Variants in SGCZ observed in about 807,000 individuals in gnomAD.
SGCZ encodes the protein zeta-sarcoglycan.
SGCZ carries 40 observed loss-of-function variants against 41.3 expected under a neutral mutation model. The observed-to-expected ratio is 0.97, with a 90% CI of 0.75 to 1.26. The LOEUF (loss-of-function observed/expected upper bound fraction) is 1.26, where lower values mean the gene tolerates loss of function less well. Among genes scored for constraint, SGCZ ranks in the 50% most tolerant of loss-of-function variants. The pLI, the probability that SGCZ is intolerant of heterozygous loss-of-function variation, is 0.00. For missense variants in SGCZ, 552 were observed against 369.8 expected (o/e 1.49, Z -4.04); for synonymous variants, 206 against 137.5 (o/e 1.50, Z -3.49).
intron 1 of SGCZ, among the ~76,000 whole-genome samples, chr8:15,007,330 G>A (rs13271780): frequency 0.5 from 75,997 of 151,672 alleles, 19,252 homozygotes; most frequent in South Asian, 0.55. Flanking sequence ...AAATTTAAAT[G>A]TAACTTTTGA....
intron 1 of SGCZ, among the ~76,000 whole-genome samples, chr8:14,555,352 G>A (rs995181953): frequency 1.3e-5 from 2 of 151,982 alleles, no homozygotes; most frequent in African/African-American, 4.8e-5. Context: ...AAGGTGATGA[G>A]ATCATGGCAG....
chr8:14,149,214 AT>A (rs1194694399), intron 5 of SGCZ, among the ~76,000 whole-genome samples: 1 of 152,090 alleles, frequency 6.6e-6, no homozygotes, highest in Admixed American at 6.5e-5. Context: ...AGATTTGAGC[AT>A]CCAAATTGAA....
intron 3 of SGCZ, among the ~76,000 whole-genome samples, chr8:14,252,306 A>AG (rs1284865195): frequency 3.3e-5 from 5 of 151,166 alleles, no homozygotes; most frequent in Non-Finnish European, 5.9e-5. Flanking sequence ...TTTGTCATGT[A>AG]TTTTTTTCAG....
At chr8:14,166,002 A>G (rs1804197840) in intron 4 of SGCZ, among the ~76,000 whole-genome samples, 1 of 152,144 alleles carries the variant, frequency 6.6e-6, no homozygotes, top group African/African-American at 2.4e-5. Context: ...CATCAAGAGA[A>G]AAAATAATTT....
intron 1 of SGCZ, among the ~76,000 whole-genome samples, chr8:15,022,569 C>G (rs1263438563): frequency 2.6e-5 from 4 of 152,122 alleles, no homozygotes; most frequent in African/African-American, 9.7e-5. Context: ...GTCTCGATCT[C>G]TTGACCTCAT....
At chr8:14,875,321 G>C (rs956370089) in intron 1 of SGCZ, among the ~76,000 whole-genome samples, 9 of 152,130 alleles carry the variant, frequency 5.9e-5, no homozygotes, top group South Asian at 4.1e-4. Flanking sequence ...TGAGGACAAA[G>C]TCCATGACTT....
At chr8:14,183,704 C>T (rs533199000) in intron 4 of SGCZ, among the ~76,000 whole-genome samples, 28 of 152,200 alleles carry the variant, frequency 1.8e-4, no homozygotes, top group African/African-American at 5.8e-4. Context: ...TCTACCTATA[C>T]GTATTAAACA....
chr8:15,078,440 G>A (rs1422551086), intron 1 of SGCZ, among the ~76,000 whole-genome samples: 4 of 151,752 alleles, frequency 2.6e-5, no homozygotes, highest in African/African-American at 7.3e-5. Flanking sequence ...CCTTTCTTGT[G>A]AAAAACTGGT....
chr8:15,066,405 G>T (rs1367798126), intron 1 of SGCZ, among the ~76,000 whole-genome samples: 4 of 151,238 alleles, frequency 2.6e-5, no homozygotes, highest in Non-Finnish European at 5.9e-5. Flanking sequence ...CCCTTCTGTG[G>T]TATATTATAA....
At chr8:15,213,083 A>C (rs1349587583) in intron 1 of SGCZ, among the ~76,000 whole-genome samples, 1 of 152,064 alleles carries the variant, frequency 6.6e-6, no homozygotes, top group Non-Finnish European at 1.5e-5. Flanking sequence ...GAGGGGCGAC[A>C]TAAAGGGGAA....
chr8:14,333,354 A>G (rs569488860), intron 2 of SGCZ, among the ~76,000 whole-genome samples: 1 of 152,216 alleles, frequency 6.6e-6, no homozygotes, highest in South Asian at 2.1e-4. Flanking sequence ...TAAGTAATGG[A>G]TTAATAATAA....
intron 4 of SGCZ, among the ~76,000 whole-genome samples, chr8:14,219,545 G>C (rs762822199): frequency 2.6e-5 from 4 of 152,084 alleles, no homozygotes; most frequent in Non-Finnish European, 5.9e-5. Context: ...TCAGGAGTTC[G>C]AGACCAGCCT....
intron 1 of SGCZ, among the ~76,000 whole-genome samples, chr8:14,568,815 T>G (rs981217521): frequency 6.6e-6 from 1 of 152,180 alleles, no homozygotes; most frequent in African/African-American, 2.4e-5. Flanking sequence ...ATTACATCCA[T>G]GGGCTTCATT....
intron 3 of SGCZ, among the ~76,000 whole-genome samples, chr8:14,259,007 G>A (rs1366242160): frequency 6.6e-6 from 1 of 152,120 alleles, no homozygotes; most frequent in African/African-American, 2.4e-5. Flanking sequence ...CATATATTTA[G>A]CTGTGTCTTC....
intron 1 of SGCZ, among the ~76,000 whole-genome samples, chr8:14,784,913 A>AAAAAAAAATATATAT (rs1408574493): frequency 3.4e-5 from 3 of 88,038 alleles, no homozygotes; most frequent in African/African-American, 1.4e-4. Flanking sequence ...AAAAAAAAAA[A>AAAAAAAAATATATAT]ATATATATAT....
chr8:14,575,730 A>T (rs1222035737), intron 1 of SGCZ, among the ~76,000 whole-genome samples: 1 of 151,936 alleles, frequency 6.6e-6, no homozygotes, highest in Non-Finnish European at 1.5e-5. Flanking sequence ...AACATGGTGA[A>T]ACCCCATCTC....
intron 2 of SGCZ, among the ~76,000 whole-genome samples, chr8:14,485,585 C>T (rs185402611): frequency 6.6e-6 from 1 of 152,188 alleles, no homozygotes; most frequent in African/African-American, 2.4e-5. Flanking sequence ...AAGGTAGGCC[C>T]TGATGGGTCC....
At chr8:14,653,186 G>C (rs1258688364) in intron 1 of SGCZ, among the ~76,000 whole-genome samples, 1 of 151,966 alleles carries the variant, frequency 6.6e-6, no homozygotes, top group Non-Finnish European at 1.5e-5. Flanking sequence ...TTTGCACTAT[G>C]TTTGGGTCCA....
intron 1 of SGCZ, among the ~76,000 whole-genome samples, chr8:14,630,935 G>A (rs10097131): frequency 8.6e-5 from 13 of 151,784 alleles, no homozygotes; most frequent in Admixed American, 5.9e-4. Flanking sequence ...ACGAGTTAAC[G>A]GATGCAGCAC....
Sources: allele counts gnomAD v4.1 joint callset (sites outside exome capture counted in the v4.1 genomes callset), GRCh38; gene constraint gnomAD v4.1.1; transcripts MANE v1.5; gene names NCBI Gene and HGNC (gene_info 2026-07-23, HGNC 2026-07-21).